DCAF1: variants seen among roughly 807,000 people sequenced by gnomAD.
DCAF1 encodes the protein DDB1 and CUL4 associated factor 1, also known as DDB1- and CUL4-associated factor 1.
A neutral mutation model predicts 128.0 loss-of-function variants in DCAF1; 15 were observed. The observed-to-expected ratio is 0.12, with a 90% confidence interval of 0.08 to 0.18. The LOEUF (loss-of-function observed/expected upper bound fraction) is 0.18. Ranked by LOEUF, DCAF1 falls within the 10% of genes least tolerant of loss-of-function variation. The pLI is 1.00. For synonymous variants in DCAF1, 610 were observed against 603.0 expected (o/e 1.01, Z -0.17); for missense variants, 988 against 1,649.5 (o/e 0.60, Z 6.95).
intron 23 of DCAF1, among the ~76,000 whole-genome samples, chr3:51,403,832 GC>G (rs564876478): frequency 4.1e-4 from 63 of 152,322 alleles, no homozygotes; most frequent in Middle Eastern, 3.4e-3. Context: ...TATCTCCTCA[GC>G]CCTTCAAGCT....
chr3:51,461,714 A>G (rs1474149434), intron 6 of DCAF1, among the ~76,000 whole-genome samples: 2 of 152,210 alleles, frequency 1.3e-5, no homozygotes, highest in Non-Finnish European at 2.9e-5. Flanking sequence ...CATATATACC[A>G]TGGAATACTA....
chr3:51,448,206 T>C (rs1271151079), intron 6 of DCAF1, among the ~76,000 whole-genome samples: 5 of 152,224 alleles, frequency 3.3e-5, no homozygotes, highest in Non-Finnish European at 7.3e-5. Context: ...AATGTGCCTT[T>C]GTCCTTTCTC....
chr3:51,485,430 A>G (rs1434855350), intron 2 of DCAF1, among the ~76,000 whole-genome samples: 1 of 152,218 alleles, frequency 6.6e-6, no homozygotes, highest in Non-Finnish European at 1.5e-5. Flanking sequence ...AGCTGAGGTG[A>G]GCTTTGGAGG....
rs782485018 is a variant in DCAF1, at chr3:51,429,436, T to C, written c.1502A>G (p.Gln501Arg). Residue 501 changes from glutamine to arginine, a missense_variant, in exon 12 of 25, where the codon CAG (glutamine) becomes CGG (arginine). By Grantham distance (43) the Gln-to-Arg change is conservative. Transcript: ENST00000684031. The part of the protein sequence containing the change: ...STLEILNLED[Q>R]GALLSDDEIF... Reference sequence around the variant, plus strand: ...TTCATCATCACTCAGAAGTGCACCCTGATCTTCCAAATTTAGAATCTCCAA... The same window carrying C: ...TTCATCATCACTCAGAAGTGCACCCCGATCTTCCAAATTTAGAATCTCCAA... 1 of 780,946 alleles carries C rather than the reference T, an allele frequency of 1.3e-6. No individual in the cohort carries two copies. Among genetic ancestry groups the C allele is most frequent in the Non-Finnish European group, 2.4e-6 (1 of 417,996 alleles). The allele number at this position is 780,946 out of a possible 1,614,324, so 48.4% of individuals were successfully genotyped here.
chr3:51,452,869 G>T (rs539726559), intron 6 of DCAF1, among the ~76,000 whole-genome samples: 175 of 152,112 alleles, frequency 1.2e-3, no homozygotes, highest in Non-Finnish European at 2.1e-3. Flanking sequence ...TTAAAAATTA[G>T]CCGGGCGTGG....
intron 23 of DCAF1, among the ~76,000 whole-genome samples, 176 bp from the exon 24 acceptor site, chr3:51,403,571 A>G (rs2089894689): frequency 6.6e-6 from 1 of 152,226 alleles, no homozygotes; most frequent in Non-Finnish European, 1.5e-5. Flanking sequence ...TGAGATAGGC[A>G]CACATGTCCC....
intron 3 of DCAF1, among the ~76,000 whole-genome samples, chr3:51,481,327 A>G (rs1019746611): frequency 6.6e-6 from 1 of 152,180 alleles, no homozygotes; most frequent in African/African-American, 2.4e-5. Context: ...GGGAGGATGT[A>G]TTAAAAGAGG....
intron 2 of DCAF1, 40 bp from the exon 3 acceptor site, chr3:51,483,876 A>G (rs781814199): frequency 7.3e-7 from 1 of 1,363,628 alleles, no homozygotes; most frequent in Admixed American, 1.8e-5. Context: ...ACAACCAATA[A>G]ATGAACACAA....
chr3:51,462,512 G>A (rs562211976), intron 6 of DCAF1, among the ~76,000 whole-genome samples: 22 of 152,150 alleles, frequency 1.4e-4, no homozygotes, highest in African/African-American at 4.6e-4. Context: ...TTGGGAGGCC[G>A]AGGCAGGTGG....
rs572930012 is a variant in DCAF1, at chr3:51,491,532, T to C, written c.-9+5202A>G. Among the ~76,000 whole-genome samples the C allele has an allele frequency of 1.9e-3, 283 of 152,018 alleles. 2 individuals are homozygous for C. The highest frequency in any genetic ancestry group is 7.6e-4 in the Non-Finnish European group (52 of 67,986). ...TTTTCAACAAGGGTACCAAGACCAT[T>C]CAATAGGAAAAAAGTAATTTCAATA... On this transcript the variant is annotated intron_variant, in intron 2 of 24. Coordinates refer to ENST00000684031, the MANE Select transcript of DCAF1 (RefSeq NM_001387579.1).
chr3:51,497,761 C>T (rs782433974), intron 1 of DCAF1, among the ~76,000 whole-genome samples: 17 of 151,926 alleles, frequency 1.1e-4, no homozygotes, highest in Admixed American at 2.6e-4. Flanking sequence ...CCTGTGACTG[C>T]GGTCCTAGTT....
At chr3:51,501,106 T>G (rs1553664163), upstream of DCAF1, among the ~76,000 whole-genome samples, 1 of 152,202 alleles carries the variant, frequency 6.6e-6, no homozygotes, top group African/African-American at 2.4e-5. Context: ...CATGAGCCAC[T>G]GCACCCAGCC....
intron 2 of DCAF1, among the ~76,000 whole-genome samples, chr3:51,489,926 A>C (rs1355817574): frequency 3.3e-5 from 5 of 152,148 alleles, no homozygotes; most frequent in African/African-American, 1.2e-4. Flanking sequence ...TCCTGTATAC[A>C]GAAAATCCTA....
At chr3:51,454,736 C>A (rs1702713515) in intron 6 of DCAF1, among the ~76,000 whole-genome samples, 1 of 151,132 alleles carries the variant, frequency 6.6e-6, no homozygotes, top group African/African-American at 2.4e-5. Flanking sequence ...TGCAGTGGCA[C>A]AATCTTGGCT....
intron 10 of DCAF1, 115 bp downstream of exon 10, chr3:51,432,991 T>G (rs1337680935): frequency 7.6e-6 from 3 of 396,278 alleles, no homozygotes; most frequent in Admixed American, 4.4e-5. Context: ...TCATTAAAAT[T>G]TATTCCTTCA....
chr3:51,495,779 T>A (rs1708170618), intron 2 of DCAF1, among the ~76,000 whole-genome samples: 1 of 152,016 alleles, frequency 6.6e-6, no homozygotes. Flanking sequence ...AATGTTCGTT[T>A]TTTTGTGTTT....
At chr3:51,431,171 C>A (rs1553635468) in intron 10 of DCAF1, among the ~76,000 whole-genome samples, 1 of 151,936 alleles carries the variant, frequency 6.6e-6, no homozygotes, top group South Asian at 2.1e-4. Flanking sequence ...TGCCTCAAAA[C>A]AAAAACAAAA....
chr3:51,466,897 G>GAACA (rs1553646695), intron 4 of DCAF1, 21 bp from the exon 5 acceptor site: 4 of 1,612,030 alleles, frequency 2.5e-6, no homozygotes, highest in Non-Finnish European at 8.5e-7. Context: ...AAGAGGGGAG[G>GAACA]AACAAACAAA....
chr3:51,483,139 G>GAA (rs374351985), intron 3 of DCAF1, among the ~76,000 whole-genome samples: 164 of 124,980 alleles, frequency 1.3e-3, no homozygotes, highest in Middle Eastern at 4.5e-3. Flanking sequence ...AACTCCGTAT[G>GAA]AAAAAAAAAA....
Sources: allele counts gnomAD v4.1 joint callset (sites outside exome capture counted in the v4.1 genomes callset), GRCh38; gene constraint gnomAD v4.1.1; transcripts MANE v1.5; gene names NCBI Gene and HGNC (gene_info 2026-07-23, HGNC 2026-07-21).